Variants in CCDC192 observed in about 807,000 individuals in gnomAD.
CCDC192 encodes coiled-coil domain containing 192.
rs145217740 is a variant in CCDC192, at chr5:127,813,284, C to T, written c.411+15122C>T. Among the ~76,000 whole-genome samples the T allele has an allele frequency of 3.1e-4, 47 of 152,202 alleles. 1 individual carries two copies. In the East Asian group the frequency reaches 7.7e-3, roughly 25 times the overall value. On this transcript the variant is annotated intron_variant, in intron 5 of 6. Transcript: ENST00000514853. ...TCTCAAATTCTCTTGTCAGGAATTC[C>T]TCTAGAAGCACCCTCAAGGAAATTG...
chr5:127,926,050 C>T (rs192672134), intron 6 of CCDC192, among the ~76,000 whole-genome samples: 13 of 152,246 alleles, frequency 8.5e-5, no homozygotes, highest in African/African-American at 2.4e-4. Context: ...GGAAATGGGG[C>T]GTGCAGAAAT....
intron 2 of CCDC192, among the ~76,000 whole-genome samples, chr5:127,752,771 T>C (rs1367154855): frequency 6.6e-6 from 1 of 152,174 alleles, no homozygotes; most frequent in African/African-American, 2.4e-5. Flanking sequence ...CGAGACTCCG[T>C]GGGCGTAGGA....
chr5:127,912,690 G>T (rs1030799898), intron 6 of CCDC192, among the ~76,000 whole-genome samples: 1 of 152,154 alleles, frequency 6.6e-6, no homozygotes, highest in East Asian at 1.9e-4. Context: ...TACCTGGGGA[G>T]GAGGAACTCT....
At chr5:127,884,230 C>T (rs529978207) in intron 6 of CCDC192, among the ~76,000 whole-genome samples, 1 of 151,036 alleles carries the variant, frequency 6.6e-6, no homozygotes, top group East Asian at 2.0e-4. Context: ...GTAGTCCCAG[C>T]TACTCGGGAG....
intron 5 of CCDC192, among the ~76,000 whole-genome samples, chr5:127,859,777 C>A (rs1273782984): frequency 1.3e-5 from 2 of 152,316 alleles, no homozygotes; most frequent in East Asian, 3.9e-4. Flanking sequence ...TGTGGATTCT[C>A]ACAATTTTCC....
At chr5:127,822,690 G>A (rs1436158963) in intron 5 of CCDC192, among the ~76,000 whole-genome samples, 2 of 152,148 alleles carry the variant, frequency 1.3e-5, no homozygotes, top group East Asian at 1.9e-4. Context: ...GTGGAAGGAC[G>A]CTCCCTCAGA....
chr5:127,899,107 A>G (rs1382069469), intron 6 of CCDC192, among the ~76,000 whole-genome samples: 1 of 152,188 alleles, frequency 6.6e-6, no homozygotes, highest in Non-Finnish European at 1.5e-5. Context: ...CAATGCTGCT[A>G]ATTTTAAACT....
chr5:127,913,310 C>T (rs1482187437), intron 6 of CCDC192, among the ~76,000 whole-genome samples: 4 of 152,202 alleles, frequency 2.6e-5, no homozygotes, highest in Non-Finnish European at 4.4e-5. Context: ...ATTGTGTCTT[C>T]TCCTCCCTGG....
intron 5 of CCDC192, among the ~76,000 whole-genome samples, chr5:127,871,192 G>A (rs1232872695): frequency 6.6e-6 from 1 of 152,242 alleles, no homozygotes; most frequent in Non-Finnish European, 1.5e-5. Flanking sequence ...GCAGGAGATT[G>A]AATCAAGGCT....
intron 5 of CCDC192, among the ~76,000 whole-genome samples, chr5:127,822,792 C>T (rs575572768): frequency 5.3e-5 from 8 of 152,266 alleles, no homozygotes; most frequent in Admixed American, 1.3e-4. Flanking sequence ...CAAAGGATAA[C>T]GGATAAAATG....
chr5:127,904,707 G>T (rs1042517840), intron 6 of CCDC192, among the ~76,000 whole-genome samples: 5 of 151,912 alleles, frequency 3.3e-5, no homozygotes, highest in African/African-American at 7.3e-5. Flanking sequence ...TCACTATGTT[G>T]GCCAGGCTGA....
At chr5:127,923,095 A>G (rs1753768430) in intron 6 of CCDC192, among the ~76,000 whole-genome samples, 1 of 152,216 alleles carries the variant, frequency 6.6e-6, no homozygotes, top group South Asian at 2.1e-4. Flanking sequence ...CTAGTTCAAG[A>G]CTTGCCTGAA....
chr5:127,846,710 T>G (rs561066553), intron 5 of CCDC192, among the ~76,000 whole-genome samples: 1 of 149,242 alleles, frequency 6.7e-6, no homozygotes, highest in East Asian at 2.0e-4. Flanking sequence ...CCTCAAGTGA[T>G]CCACCCACCT....
chr5:127,710,798 A>G (rs1751281629), intron 2 of CCDC192, among the ~76,000 whole-genome samples: 1 of 152,138 alleles, frequency 6.6e-6, no homozygotes, highest in East Asian at 1.9e-4. Context: ...GGGAGATTCA[A>G]GGAGCTCCAG....
intron 6 of CCDC192, among the ~76,000 whole-genome samples, chr5:127,929,626 T>C (rs1753962749): frequency 6.6e-6 from 1 of 152,190 alleles, no homozygotes; most frequent in Non-Finnish European, 1.5e-5. Flanking sequence ...AAAATCCTGA[T>C]AAACAATAGC....
chr5:127,816,586 TG>T (rs1749036808), intron 5 of CCDC192, among the ~76,000 whole-genome samples: 1 of 152,226 alleles, frequency 6.6e-6, no homozygotes, highest in Non-Finnish European at 1.5e-5. Flanking sequence ...AGCTTCCCAC[TG>T]CTGTATAGTT....
intron 6 of CCDC192, among the ~76,000 whole-genome samples, chr5:127,919,625 C>T (rs6899086): frequency 2.6e-5 from 4 of 152,172 alleles, no homozygotes; most frequent in East Asian, 1.9e-4. Context: ...CCTCAGAGCA[C>T]GGCATTGTTC....
chr5:127,759,074 A>T (rs1754767989), intron 3 of CCDC192, among the ~76,000 whole-genome samples: 1 of 152,106 alleles, frequency 6.6e-6, no homozygotes, highest in Non-Finnish European at 1.5e-5. Context: ...GATCAGGGAG[A>T]GCCCAGGCTT....
intron 3 of CCDC192, among the ~76,000 whole-genome samples, chr5:127,789,324 G>A (rs1005216762): frequency 3.3e-5 from 5 of 152,134 alleles, no homozygotes; most frequent in Admixed American, 6.5e-5. Context: ...CCTCTTATTC[G>A]AGAAGACATA....
Sources: allele counts gnomAD v4.1 joint callset (sites outside exome capture counted in the v4.1 genomes callset), GRCh38; gene constraint gnomAD v4.1.1; transcripts MANE v1.5; gene names NCBI Gene and HGNC (gene_info 2026-07-23, HGNC 2026-07-21).